CSMD2: variants seen among roughly 807,000 people sequenced by gnomAD.
The protein encoded by CSMD2 is CUB and Sushi multiple domains 2.
Under a neutral mutation model 398.5 loss-of-function variants are expected in CSMD2, and 130 were observed. The observed-to-expected ratio is 0.33, with a 90% CI of 0.28 to 0.38. The LOEUF is 0.38. CSMD2 is among the 10% of genes least tolerant of loss of function. CSMD2 has a pLI of 1.00. For missense variants in CSMD2, 3,829 were observed against 4,764.9 expected (o/e 0.80, Z 5.78); for synonymous variants, 1,828 against 1,908.5 (o/e 0.96, Z 1.10).
intron 3 of CSMD2, among the ~76,000 whole-genome samples, chr1:33,978,437 C>T (rs1183988963): frequency 6.6e-6 from 1 of 152,112 alleles, no homozygotes; most frequent in Non-Finnish European, 1.5e-5. Context: ...CAGGTAGACC[C>T]GCAACCCACT....
chr1:33,918,317 G>A lies in CSMD2; in HGVS notation c.713-16C>T, dbSNP rs200253056. 15 of 1,612,082 alleles carry A rather than the reference G, an allele frequency of 9.3e-6. No homozygotes were observed. Among genetic ancestry groups the A allele is most frequent in the Non-Finnish European group, 1.3e-5 (15 of 1,179,054 alleles). On this transcript the variant is annotated splice_polypyrimidine_tract_variant and intron_variant, in intron 4 of 70. Transcript: ENST00000373381. ...GCATCATCAGCTGTGGGCACAGAGA[G>A]AAGAGGCTTACATGAGTAGTCTGGT...
At chr1:34,009,849 C>T (rs1181256563) in intron 3 of CSMD2, among the ~76,000 whole-genome samples, 1 of 152,138 alleles carries the variant, frequency 6.6e-6, no homozygotes, top group East Asian at 1.9e-4. Flanking sequence ...CTAGTCTCTC[C>T]CCTACATCCC....
rs774765893 is a variant in CSMD2 at position 33,567,478 on chromosome 1, C to CATATATATATAT, written c.8380+103_8380+114dup. 1,271 of 468,902 alleles carry CATATATATATAT rather than the reference C, an allele frequency of 2.7e-3. 2 individuals are homozygous for CATATATATATAT. Among genetic ancestry groups the CATATATATATAT allele is most frequent in the East Asian group, 6.5e-3 (126 of 19,384 alleles). 29.0% of individuals were successfully genotyped at this position (468,902 alleles called of 1,614,324 possible). On this transcript the variant is annotated intron_variant, in intron 53 of 70. Coordinates refer to ENST00000373381, the MANE Select transcript of CSMD2 (RefSeq NM_001281956.2). The stretch of plus-strand genomic sequence containing the variant: ...CAGTTTTGAAAAAAAAAATAGCAAT[C>CATATATATATAT]ATATATATATATATATATTTAAAAC...
intron 6 of CSMD2, among the ~76,000 whole-genome samples, chr1:33,844,359 C>T (rs1295749895): frequency 1.3e-5 from 2 of 152,158 alleles, no homozygotes; most frequent in African/African-American, 2.4e-5. Flanking sequence ...ATCTAATGGG[C>T]AGAGGCCAAG....
intron 1 of CSMD2, among the ~76,000 whole-genome samples, chr1:34,129,476 C>T (rs1312979989): frequency 6.6e-6 from 1 of 151,948 alleles, no homozygotes; most frequent in East Asian, 1.9e-4. Context: ...ACGGTGAAAC[C>T]CCATCTCTAC....
At chr1:33,957,944 TGTGTG>T (rs1645223771) in intron 3 of CSMD2, among the ~76,000 whole-genome samples, 1 of 151,850 alleles carries the variant, frequency 6.6e-6, no homozygotes, top group African/African-American at 2.4e-5. Context: ...TGTGTGTGTG[TGTGTG>T]TGTGTGTGCA....
chr1:33,962,743 C>T (rs1368763632), intron 3 of CSMD2, among the ~76,000 whole-genome samples: 1 of 152,174 alleles, frequency 6.6e-6, no homozygotes, highest in Non-Finnish European at 1.5e-5. Context: ...GATTGACTCC[C>T]TCATATCCTT....
chr1:34,155,025 C>T (rs539725088), intron 1 of CSMD2, among the ~76,000 whole-genome samples: 28 of 152,182 alleles, frequency 1.8e-4, no homozygotes, highest in Non-Finnish European at 3.2e-4. Flanking sequence ...CGCGCCCTGC[C>T]TGGATCCATG....
chr1:33,716,505 C>T lies in CSMD2; in HGVS notation c.3002-4G>A. 2 of 1,608,888 alleles carry T rather than the reference C, an allele frequency of 1.2e-6. No individual in the cohort carries two copies. The highest frequency in any genetic ancestry group is 2.2e-5 in the East Asian group (1 of 44,800). On this transcript the variant is annotated splice_region_variant and splice_polypyrimidine_tract_variant and intron_variant, in intron 19 of 70. Transcript: ENST00000373381. ...GTGTGGAAAGTGAAGAACACACCTG[C>T]CAAGAGACCAGAGGGTCAGGTTGTT...
intron 13 of CSMD2, among the ~76,000 whole-genome samples, chr1:33,765,874 A>G (rs1185819273): frequency 6.6e-6 from 1 of 152,256 alleles, no homozygotes; most frequent in African/African-American, 2.4e-5. Flanking sequence ...TAGTCACTAT[A>G]CAGGGATTGG....
In CSMD2 at chr1:34,077,349, C is replaced by T. The variant is rs562180011; in HGVS notation, c.404+11628G>A. On this transcript the variant is annotated intron_variant, in intron 2 of 70. Coordinates refer to ENST00000373381, the MANE Select transcript of CSMD2 (RefSeq NM_001281956.2). Reference sequence around the variant, plus strand: ...GCGGGCGCCTGTAGTCCCAGCTACTCGGGAGGCTGAGGCAGGAGAATGGCG... The same window carrying T: ...GCGGGCGCCTGTAGTCCCAGCTACTTGGGAGGCTGAGGCAGGAGAATGGCG... Among the ~76,000 whole-genome samples the T allele has an allele frequency of 2.4e-4, 34 of 141,998 alleles. No individual in the cohort carries two copies. The East Asian group carries it at 7.1e-3, about 30-fold the overall frequency. 93.2% of individuals were successfully genotyped at this position (141,998 alleles called of 152,430 possible).
chr1:33,540,712 A>G lies in CSMD2; in HGVS notation c.9458-14T>C. On this transcript the variant is annotated splice_polypyrimidine_tract_variant and intron_variant, in intron 59 of 70. Transcript: ENST00000373381. ...TGCACATGAGAGCTGGAGGGAGACCAAAGCAGGCTGAGTTCTGATGCTGTC... is the reference window on the plus strand; with the variant it reads ...TGCACATGAGAGCTGGAGGGAGACCGAAGCAGGCTGAGTTCTGATGCTGTC... 6.2e-7 allele frequency: 1 copy of G among 1,613,978 alleles called. No homozygotes were observed. Among genetic ancestry groups the G allele is most frequent in the South Asian group, 1.1e-5 (1 of 91,048 alleles).
chr1:33,719,596 C>T (rs942641705), intron 19 of CSMD2, among the ~76,000 whole-genome samples: 3 of 152,142 alleles, frequency 2.0e-5, no homozygotes, highest in African/African-American at 7.2e-5. Flanking sequence ...CAAGCAAAAT[C>T]GTACCAATGA....
chr1:33,894,685 T>C (rs759091185), intron 5 of CSMD2, among the ~76,000 whole-genome samples: 1 of 152,214 alleles, frequency 6.6e-6, no homozygotes, highest in Non-Finnish European at 1.5e-5. Context: ...TGCTTCCTAA[T>C]AGAACACTTG....
rs529700677 is a variant in CSMD2, at chr1:33,519,503, G to A, written c.*15C>T. 4.3e-5 allele frequency: 69 copies of A among 1,595,070 alleles called. No homozygotes were observed. The highest frequency in any genetic ancestry group is 2.0e-4 in the Middle Eastern group (1 of 5,028). On this transcript the variant is annotated 3_prime_UTR_variant, in exon 70 of 71. Coordinates refer to ENST00000373381, the MANE Select transcript of CSMD2 (RefSeq NM_001281956.2). The surrounding 1 kb of genome is among the most constrained non-coding windows in gnomAD (Gnocchi z 5.6). ...CGGGGCTCTCGGTGGCGGTGGTGGCGGCCAGGCCGGGTGGCTATACTGCTG... is the reference window on the plus strand; with the variant it reads ...CGGGGCTCTCGGTGGCGGTGGTGGCAGCCAGGCCGGGTGGCTATACTGCTG...
intron 53 of CSMD2, among the ~76,000 whole-genome samples, chr1:33,562,350 G>C (rs556295692): frequency 1.2e-4 from 19 of 152,168 alleles, no homozygotes; most frequent in Non-Finnish European, 2.4e-4. Context: ...GCTCTCTTTA[G>C]GTCCCAGGCT....
At chr1:33,790,773 TATCA>T (rs1016514556) in intron 11 of CSMD2, among the ~76,000 whole-genome samples, 3 of 145,524 alleles carry the variant, frequency 2.1e-5, no homozygotes, top group Admixed American at 6.7e-5. Flanking sequence ...ATCTATCATC[TATCA>T]ATCAATCGTC....
chr1:33,695,408 G>A lies in CSMD2; in HGVS notation c.3926-2352C>T, dbSNP rs1176769549. ...GTCACTGTGGTGGCAGTATGATGGG[G>A]TACAGCAGGGGTGAAACTGGAGGCA... On this transcript the variant is annotated intron_variant, in intron 24 of 70. Transcript: ENST00000373381. Among the ~76,000 whole-genome samples, 3 of 152,122 alleles carry A rather than the reference G, an allele frequency of 2.0e-5. No homozygotes were observed. In the East Asian group the frequency reaches 5.8e-4, roughly 29 times the overall value.
At chr1:33,586,653 G>T in intron 45 of CSMD2, 36 bp from the exon 46 acceptor site, 1 of 1,386,656 alleles carries the variant, frequency 7.2e-7, no homozygotes, top group Non-Finnish European at 1.0e-6. Flanking sequence ...ACCCTCTTAA[G>T]AAGTCCAGTC....
Sources: gnomAD v4.1 joint callset for allele counts (sites outside exome capture counted in the v4.1 genomes callset) on GRCh38, gnomAD v4.1.1 for gene constraint, Gnocchi (gnomAD v3.1) non-coding constraint, MANE v1.5 for transcripts, NCBI Gene and HGNC (gene_info 2026-07-23, HGNC 2026-07-21) for gene names.